Variants in MICU3 observed in about 807,000 individuals in gnomAD.
MICU3 encodes calcium uptake protein 3, mitochondrial.
Under a neutral mutation model 66.5 loss-of-function variants are expected in MICU3, and 62 were observed. That is an observed-to-expected ratio of 0.93 (90% CI 0.76 to 1.15). The LOEUF is 1.15. Ranked by LOEUF, MICU3 falls within the 50% of genes most tolerant of loss-of-function variation. The pLI, the probability that MICU3 is intolerant of heterozygous loss-of-function variation, is 0.00. For synonymous variants in MICU3, 308 were observed against 240.7 expected, an observed-to-expected ratio of 1.28 and a Z score of -2.59; for missense variants, 779 against 664.4, an observed-to-expected ratio of 1.17 and a Z score of -1.90.
intron 9 of MICU3, among the ~76,000 whole-genome samples, chr8:17,099,549 A>G (rs958458908): frequency 1.3e-5 from 2 of 151,744 alleles, no homozygotes; most frequent in African/African-American, 4.8e-5. Flanking sequence ...CAATTAAAGT[A>G]TTTTGTCCTA....
chr8:17,080,702 G>A (rs1821058588), intron 4 of MICU3, among the ~76,000 whole-genome samples: 1 of 152,040 alleles, frequency 6.6e-6, no homozygotes, highest in Non-Finnish European at 1.5e-5. Context: ...ACAAAAGAAG[G>A]GAATGAATGC....
At chr8:17,120,005 G>A (rs1803073677) in intron 14 of MICU3, among the ~76,000 whole-genome samples, 1 of 152,168 alleles carries the variant, frequency 6.6e-6, no homozygotes, top group Admixed American at 6.6e-5. Context: ...CACAGGTAGT[G>A]TTCCCGACCG....
chr8:17,110,729 A>G (rs895226972), intron 11 of MICU3, among the ~76,000 whole-genome samples: 6 of 145,298 alleles, frequency 4.1e-5, no homozygotes, highest in African/African-American at 7.6e-5. Flanking sequence ...GTACCTGGCA[A>G]TTTTTTTGGG....
At chr8:17,077,979 A>G in intron 4 of MICU3, 118 bp downstream of exon 4, 1 of 500,042 alleles carries the variant, frequency 2.0e-6, no homozygotes, top group Non-Finnish European at 3.3e-6. Context: ...ATGCATAGAG[A>G]AAAAACTGAA....
Position 17,110,175 on chromosome 8 carries a change from T to C in MICU3, c.1258-3918T>C, listed in dbSNP as rs529748307. Among the ~76,000 whole-genome samples the C allele has an allele frequency of 4.9e-4, 74 of 152,356 alleles. 1 individual carries two copies. Among genetic ancestry groups the C allele is most frequent in the African/African-American group, 1.8e-3 (74 of 41,602 alleles). ...TGTTTTCTGAACGTCTGTTTGTATT[T>C]AGTCAATACTTTATTGTAATGATTT... On this transcript the variant is annotated intron_variant, in intron 11 of 14. Transcript: ENST00000318063.
At chr8:17,086,934 T>A in intron 6 of MICU3, 30 bp from the exon 7 acceptor site, 1 of 1,465,274 alleles carries the variant, frequency 6.8e-7, no homozygotes, top group Non-Finnish European at 9.5e-7. Flanking sequence ...TCTTGTTGGA[T>A]ATTTGATTCT....
chr8:17,133,885 G>A, the MICU3 span, among the ~76,000 whole-genome samples: 1 of 152,038 alleles, frequency 6.6e-6, no homozygotes, highest in East Asian at 1.9e-4. Context: ...TCTTCATTTG[G>A]ACTATCTGGC....
chr8:17,136,216 T>A, the MICU3 span, among the ~76,000 whole-genome samples: 1 of 152,130 alleles, frequency 6.6e-6, no homozygotes, highest in Non-Finnish European at 1.5e-5. Flanking sequence ...CTTATATTCA[T>A]GAGAGGGACA....
At chr8:17,079,188 A>G (rs1410861958) in intron 4 of MICU3, among the ~76,000 whole-genome samples, 2 of 150,606 alleles carry the variant, frequency 1.3e-5, no homozygotes, top group Admixed American at 1.3e-4. Context: ...ATGCTGCACC[A>G]CTATGACGGA....
rs990416585 is a variant in MICU3 at position 17,075,504 on chromosome 8, A to T, written c.568-2279A>T. On this transcript the variant is annotated intron_variant, in intron 3 of 14. Transcript: ENST00000318063. ...AGGGACAAAGGCCAAATTCTTTATA[A>T]TATGGCACTGCTACATACGAAACCA... Among the ~76,000 whole-genome samples, 6 of 152,274 alleles carry T rather than the reference A, an allele frequency of 3.9e-5. No homozygotes were observed. The East Asian group carries it at 1.2e-3, about 29-fold the overall frequency.
intron 9 of MICU3, among the ~76,000 whole-genome samples, chr8:17,102,211 C>G (rs1801324925): frequency 6.6e-6 from 1 of 151,798 alleles, no homozygotes; most frequent in South Asian, 2.1e-4. Flanking sequence ...CCCCATTCCT[C>G]TAGCTTCCAG....
chr8:17,042,925 A>G (rs900421045), intron 1 of MICU3, among the ~76,000 whole-genome samples: 4 of 142,662 alleles, frequency 2.8e-5, no homozygotes, highest in African/African-American at 1.2e-4. Flanking sequence ...GTAGCAATTC[A>G]AAGTGATTTT....
intron 1 of MICU3, among the ~76,000 whole-genome samples, chr8:17,053,479 C>T (rs1022625305): frequency 3.0e-4 from 46 of 152,146 alleles, no homozygotes; most frequent in African/African-American, 1.1e-3. Flanking sequence ...AGGCCCTAGC[C>T]TCACTACCTT....
At chr8:17,080,357 C>G (rs1821002053) in intron 4 of MICU3, among the ~76,000 whole-genome samples, 1 of 152,008 alleles carries the variant, frequency 6.6e-6, no homozygotes, top group African/African-American at 2.4e-5. Flanking sequence ...TTAAGTAGTC[C>G]TTTCCTTGAG....
intron 6 of MICU3, 139 bp downstream of exon 6, chr8:17,085,457 A>AT (rs1799372403): frequency 1.9e-6 from 1 of 516,016 alleles, no homozygotes; most frequent in African/African-American, 1.9e-5. Context: ...ATAAAGTATA[A>AT]TACTCAGGTA....
At chr8:17,116,330 A>C in intron 12 of MICU3, 113 bp from the exon 13 acceptor site, 1 of 645,622 alleles carries the variant, frequency 1.5e-6, no homozygotes, top group Non-Finnish European at 2.4e-6. Flanking sequence ...GCCATGTTGC[A>C]TAAGATCATG....
intron 5 of MICU3, 118 bp downstream of exon 5, chr8:17,081,858 T>C: frequency 1.7e-6 from 1 of 585,528 alleles, no homozygotes; most frequent in Non-Finnish European, 3.1e-6. Flanking sequence ...TTCTGCAAAA[T>C]TCATGTTTAA....
rs1434214478 is a variant in MICU3, at chr8:17,116,486, T to C, written c.1410T>C (p.Phe470=). 2 of 1,546,058 alleles carry C rather than the reference T, an allele frequency of 1.3e-6. No individual in the cohort carries two copies. The highest frequency in any genetic ancestry group is 2.2e-5 in the Admixed American group (1 of 44,514). Residue 470 remains phenylalanine (F), a synonymous_variant, in exon 13 of 15, where the codon TTT becomes TTC. Transcript: ENST00000318063. The stretch of plus-strand genomic sequence containing the variant: ...TCTATGTAGCTACTGGACTCAAATT[T>C]TCACCACATTTAGTGAACACTGTCT... The part of the protein sequence containing the change: ...RAVYVATGLK[F]SPHLVNTVFK...
the MICU3 span, chr8:17,132,585 C>T: frequency 2.6e-5 from 4 of 152,214 alleles, no homozygotes; most frequent in African/African-American, 9.7e-5. Context: ...GTCACTCCAC[C>T]TAGTAGAGCA....
Sources: allele counts gnomAD v4.1 joint callset (sites outside exome capture counted in the v4.1 genomes callset), GRCh38; gene constraint gnomAD v4.1.1; transcripts MANE v1.5; gene names NCBI Gene and HGNC (gene_info 2026-07-23, HGNC 2026-07-21).